The following PCDHGA6 variants were observed in gnomAD, a reference collection of about 807,000 sequenced individuals.
PCDHGA6 encodes the protein protocadherin gamma subfamily A, 6.
Under a neutral mutation model 60.6 loss-of-function variants are expected in PCDHGA6, and 41 were observed. The observed-to-expected ratio is 0.68, with a 90% CI of 0.53 to 0.88. PCDHGA6 has a LOEUF of 0.88. PCDHGA6 is among the 40% of genes least tolerant of loss of function. The pLI is 0.00. For missense variants in PCDHGA6, 1,312 were observed against 1,203.0 expected, an observed-to-expected ratio of 1.09 and a Z score of -1.34; for synonymous variants, 594 against 524.4, an observed-to-expected ratio of 1.13 and a Z score of -1.81.
intron 2 of PCDHGA6, among the ~76,000 whole-genome samples, chr5:141,504,748 T>A (rs979724181): frequency 7.2e-5 from 11 of 151,880 alleles, no homozygotes; most frequent in Non-Finnish European, 1.3e-4. Context: ...CCATTGAATT[T>A]TAGAAATTTC....
In PCDHGA6 at chr5:141,375,832, G is replaced by T; in HGVS notation, c.1749G>T (p.Glu583Asp). ...TGGAGCTGGCGCCCCGCTCCGCAGA[G>T]CCCGGCTACCTGGTGACCAAGGTGG... is the stretch of plus-strand genomic sequence containing the variant. ...TGVELAPRSA[E>D]PGYLVTKVVA... The change falls in exon 1 of 4, where the codon GAG (glutamate) becomes GAT (aspartate). Residue 583 changes from glutamate to aspartate, a missense_variant. By Grantham distance (45) the Glu-to-Asp change is conservative. Coordinates refer to ENST00000517434, the MANE Select transcript of PCDHGA6 (RefSeq NM_018919.3). The T allele has an allele frequency of 6.2e-7, 1 of 1,614,146 alleles. No homozygotes were observed. The highest frequency in any genetic ancestry group is 8.5e-7 in the Non-Finnish European group (1 of 1,180,038).
chr5:141,383,125 G>A (rs757654723), intron 1 of PCDHGA6: 6 of 1,614,062 alleles, frequency 3.7e-6, no homozygotes, highest in South Asian at 3.3e-5. Context: ...GCAGCTTTTC[G>A]CCCTGAACCA....
chr5:141,458,597 T>C (rs940896214), intron 1 of PCDHGA6, among the ~76,000 whole-genome samples: 18 of 151,988 alleles, frequency 1.2e-4, no homozygotes, highest in Non-Finnish European at 2.4e-4. Context: ...TGGAGACGAG[T>C]CTCACTCTGT....
intron 1 of PCDHGA6, among the ~76,000 whole-genome samples, chr5:141,468,216 T>C (rs2099160325): frequency 6.6e-6 from 1 of 150,794 alleles, no homozygotes. Flanking sequence ...TTCCAGCTAC[T>C]TGGGAGGATG....
chr5:141,413,747 A>C, intron 1 of PCDHGA6: 1 of 1,613,348 alleles, frequency 6.2e-7, no homozygotes. Flanking sequence ...AGCCGTGCCA[A>C]TGGCGTCAAG....
chr5:141,446,528 G>A (rs2098505974), intron 1 of PCDHGA6, among the ~76,000 whole-genome samples: 1 of 151,952 alleles, frequency 6.6e-6, no homozygotes, highest in South Asian at 2.1e-4. Flanking sequence ...CCAGGCTGGA[G>A]TGCAGTGGCC....
chr5:141,450,615 T>C (rs2098687601), intron 1 of PCDHGA6, among the ~76,000 whole-genome samples: 1 of 151,340 alleles, frequency 6.6e-6, no homozygotes, highest in African/African-American at 2.4e-5. Flanking sequence ...GCCTCCTGAG[T>C]AGCTGGGATT....
rs371232283 is a variant in PCDHGA6, at chr5:141,390,337, C to T, written c.2424+13830C>T. ...CATTGCCTACCCATTTCTCCATATT[C>T]ACAAGAAAATATACATATTTGCAGG... On this transcript the variant is annotated intron_variant, in intron 1 of 3. Coordinates refer to ENST00000517434, the MANE Select transcript of PCDHGA6 (RefSeq NM_018919.3). 9.4e-6 allele frequency: 15 copies of T among 1,595,800 alleles called. No homozygotes were observed. In the African/African-American group the frequency reaches 1.5e-4, roughly 16 times the overall value.
rs184835272 is a variant in PCDHGA6, at chr5:141,470,234, C to A, written c.2425-24573C>A. ...AACCATTCAGCTTCTTCACCAAACC[C>A]TTGAATGTCCCACCTGTCTAAATGG... On this transcript the variant is annotated intron_variant, in intron 1 of 3. Transcript: ENST00000517434. Among the ~76,000 whole-genome samples, 6 of 152,288 alleles carry A rather than the reference C, an allele frequency of 3.9e-5. No individual in the cohort carries two copies. The East Asian group carries it at 9.6e-4, about 24-fold the overall frequency.
rs978049964 is a variant in PCDHGA6 at position 141,376,740 on chromosome 5, G to A, written c.2424+233G>A. On this transcript the variant is annotated intron_variant, in intron 1 of 3. Coordinates refer to ENST00000517434, the MANE Select transcript of PCDHGA6 (RefSeq NM_018919.3). ...TGTCGCCCAGGCCGGACTGCGGACT[G>A]CAGTGGCGCAATCTCGGCTCACTGC... is the stretch of plus-strand genomic sequence containing the variant. 6 of 494,230 alleles carry A rather than the reference G, an allele frequency of 1.2e-5. No homozygotes were observed. In the Admixed American group the frequency reaches 1.2e-4, roughly 10 times the overall value. The allele number at this position is 494,230 out of a possible 1,614,324, so 30.6% of individuals were successfully genotyped here.
intron 1 of PCDHGA6, among the ~76,000 whole-genome samples, chr5:141,466,180 AT>A (rs922532578): frequency 6.6e-6 from 1 of 151,138 alleles, no homozygotes; most frequent in Admixed American, 6.6e-5. Context: ...TTTTATTTTT[AT>A]TTTTTTTCAG....
rs1288831801 is a variant in PCDHGA6, at chr5:141,477,793, T to C, written c.2425-17014T>C. The C allele has an allele frequency of 6.2e-7, 1 of 1,614,050 alleles. No homozygotes were observed. The highest frequency in any genetic ancestry group is 2.2e-5 in the East Asian group (1 of 44,874). ...TCAGCGTGAACATATTTGTCACTGATCGCAATGACAATGCCCCCCAGGTCC... is the reference window on the plus strand; with the variant it reads ...TCAGCGTGAACATATTTGTCACTGACCGCAATGACAATGCCCCCCAGGTCC... On this transcript the variant is annotated intron_variant, in intron 1 of 3. Coordinates refer to ENST00000517434, the MANE Select transcript of PCDHGA6 (RefSeq NM_018919.3). This position sits in a 1 kb window ranked among gnomAD's most constrained non-coding sequence, Gnocchi z 4.9.
intron 1 of PCDHGA6, chr5:141,384,805 G>T (rs1314252403): frequency 6.2e-7 from 1 of 1,613,506 alleles, no homozygotes; most frequent in Admixed American, 1.7e-5. Context: ...GCTGGACAGA[G>T]ATGCCCTCAA....
chr5:141,500,384 T>C (rs956708207), intron 2 of PCDHGA6, among the ~76,000 whole-genome samples: 1 of 151,894 alleles, frequency 6.6e-6, no homozygotes, highest in African/African-American at 2.4e-5. Context: ...AATTATTTTG[T>C]ATTTTTAGTA....
chr5:141,385,665 A>G (rs2090316911), intron 1 of PCDHGA6: 1 of 462,016 alleles, frequency 2.2e-6, no homozygotes, highest in Admixed American at 5.1e-5. Flanking sequence ...AGCAGGAATA[A>G]AACACACCTC....
intron 1 of PCDHGA6, among the ~76,000 whole-genome samples, chr5:141,446,610 G>A (rs1167777615): frequency 6.6e-6 from 1 of 152,098 alleles, no homozygotes; most frequent in Non-Finnish European, 1.5e-5. Flanking sequence ...CTGAGTAGCT[G>A]GGACTACAGG....
rs774366625 is a variant in PCDHGA6, at chr5:141,384,613, T to A, written c.2424+8106T>A. On this transcript the variant is annotated intron_variant, in intron 1 of 3. Coordinates refer to ENST00000517434, the MANE Select transcript of PCDHGA6 (RefSeq NM_018919.3). ...GTACCCGGCCCTCCCCACAGATGGTTCTACTGGCATGGAGCTGGCACCCCG... is the reference window on the plus strand; with the variant it reads ...GTACCCGGCCCTCCCCACAGATGGTACTACTGGCATGGAGCTGGCACCCCG... The A allele has an allele frequency of 9.9e-6, 16 of 1,614,202 alleles. No homozygotes were observed. The Admixed American group carries it at 2.7e-4, about 27-fold the overall frequency.
Position 141,388,677 on chromosome 5 carries a change from A to G in PCDHGA6, c.2424+12170A>G, listed in dbSNP as rs369048942. 2.1e-5 allele frequency: 34 copies of G among 1,613,854 alleles called. 1 individual carries two copies. Among genetic ancestry groups the G allele is most frequent in the African/African-American group, 2.7e-5 (2 of 74,914 alleles). ...CCCGGGGACCACGGTGCTACAGGTGACTGCCACGGACCAGGATGAGGGTGT... is the reference window on the plus strand; with the variant it reads ...CCCGGGGACCACGGTGCTACAGGTGGCTGCCACGGACCAGGATGAGGGTGT... On this transcript the variant is annotated intron_variant, in intron 1 of 3. Transcript: ENST00000517434.
Position 141,375,992 on chromosome 5 carries a change from G to C in PCDHGA6, c.1909G>C (p.Ala637Pro). 5 of 1,613,446 alleles carry C rather than the reference G, an allele frequency of 3.1e-6. No homozygotes were observed. Among genetic ancestry groups the C allele is most frequent in the Non-Finnish European group, 4.2e-6 (5 of 1,179,896 alleles). Residue 637 changes from alanine to proline, a missense_variant, in exon 1 of 4, where the codon GCG becomes CCG. Ala to Pro is a conservative substitution (Grantham distance 27). Transcript: ENST00000517434. The stretch of plus-strand genomic sequence containing the variant: ...GGCGCGCGCCCTGCTGGACAGAGAC[G>C]CGCTCAAGCAGAGCCTAGTGGTGGC... Reference protein sequence around the residue: ...RTARALLDRDALKQSLVVAVQ... With the variant: ...RTARALLDRDPLKQSLVVAVQ...
Sources: gnomAD v4.1 joint callset for allele counts (sites outside exome capture counted in the v4.1 genomes callset) on GRCh38, gnomAD v4.1.1 for gene constraint, Gnocchi (gnomAD v3.1) non-coding constraint, MANE v1.5 for transcripts, NCBI Gene and HGNC (gene_info 2026-07-23, HGNC 2026-07-21) for gene names.